The following MAL variants were observed in gnomAD, a reference collection of about 807,000 sequenced individuals.
MAL encodes the protein mal, T cell differentiation protein (MAL blood group), also known as myelin and lymphocyte protein.
MAL carries 5 observed loss-of-function variants against 16.7 expected under a neutral mutation model. That is an observed-to-expected ratio of 0.30 (90% CI 0.16 to 0.63). The LOEUF is 0.63. MAL is among the 30% of genes least tolerant of loss of function. MAL has a pLI of 0.82. For missense variants in MAL, 202 were observed against 195.8 expected, an observed-to-expected ratio of 1.03 and a Z score of -0.19; for synonymous variants, 96 against 85.5, an observed-to-expected ratio of 1.12 and a Z score of -0.67.
chr2:95,034,442 C>A (rs1057290851), intron 1 of MAL, among the ~76,000 whole-genome samples: 1 of 152,232 alleles, frequency 6.6e-6, no homozygotes, highest in African/African-American at 2.4e-5. Flanking sequence ...TTTGTGGATT[C>A]TGAGTGTGAC....
chr2:95,032,707 T>C (rs193180462), intron 1 of MAL, among the ~76,000 whole-genome samples: 1 of 152,198 alleles, frequency 6.6e-6, no homozygotes, highest in Non-Finnish European at 1.5e-5. Context: ...TTTGGAAGGC[T>C]CCAAATTGCC....
intron 1 of MAL, among the ~76,000 whole-genome samples, chr2:95,041,450 T>C (rs968303120): frequency 2.6e-5 from 4 of 152,234 alleles, no homozygotes; most frequent in African/African-American, 9.6e-5. Flanking sequence ...ATTGAGATCA[T>C]ATTCAGACTG....
rs1674674048 is a variant in MAL at position 95,049,676 on chromosome 2, C to T, written c.357C>T (p.Tyr119=). The T allele has an allele frequency of 4.3e-6, 7 of 1,614,172 alleles. No homozygotes were observed. The East Asian group carries it at 8.9e-5, about 21-fold the overall frequency. The change falls in exon 3 of 4, where the codon TAC becomes TAT. Residue 119 remains tyrosine, a synonymous_variant. Coordinates refer to ENST00000309988, the MANE Select transcript of MAL (RefSeq NM_002371.4). ...TCACGATGCAAGACGGCTTCACCTA[C>T]AGGCACTACCATGAAAACATTGCTG... is the stretch of plus-strand genomic sequence containing the variant. The part of the protein sequence containing the change: ...ATITMQDGFT[Y]RHYHENIAAV...
rs140265685 is a variant in MAL, at chr2:95,049,590, T to C, written c.271T>C (p.Tyr91His). 4.3e-4 allele frequency: 691 copies of C among 1,614,066 alleles called. 1 individual carries two copies. Among genetic ancestry groups the C allele is most frequent in the Non-Finnish European group, 5.3e-4 (629 of 1,180,030 alleles). The change falls in exon 3 of 4, where the codon TAC (tyrosine) becomes CAC (histidine). Residue 91 changes from tyrosine (Y) to histidine (H), a missense_variant. Transcript: ENST00000309988. ...CCCGTCTGCCCCATAGGACGCAGCC[T>C]ACCACTGCACCGCTGCCCTCTTTTA... is the stretch of plus-strand genomic sequence containing the variant. ...ETSWVTLDAAYHCTAALFYLS... is the reference protein window; with the variant it reads ...ETSWVTLDAAHHCTAALFYLS...
chr2:95,030,219 G>A (rs149780159), intron 1 of MAL, among the ~76,000 whole-genome samples: 7 of 152,328 alleles, frequency 4.6e-5, no homozygotes, highest in East Asian at 1.9e-4. Flanking sequence ...AGGAAGGCAG[G>A]CCCAACTAGG....
chr2:95,033,959 C>A (rs1328591873), intron 1 of MAL, among the ~76,000 whole-genome samples: 1 of 152,212 alleles, frequency 6.6e-6, no homozygotes, highest in Non-Finnish European at 1.5e-5. Flanking sequence ...GACATAGCAG[C>A]ACCTGCCTCA....
chr2:95,027,210 T>G (rs1022167564), intron 1 of MAL, among the ~76,000 whole-genome samples: 6 of 151,592 alleles, frequency 4.0e-5, no homozygotes, highest in African/African-American at 1.5e-4. Flanking sequence ...CCCCTGAGAG[T>G]AGGAACAGTC....
chr2:95,030,384 G>A (rs1009991715), intron 1 of MAL, among the ~76,000 whole-genome samples: 4 of 152,176 alleles, frequency 2.6e-5, no homozygotes, highest in African/African-American at 9.7e-5. Flanking sequence ...CTTCTCGTCT[G>A]CTCCCCTGCA....
chr2:95,038,908 CTA>C (rs1674347161), intron 1 of MAL, among the ~76,000 whole-genome samples: 1 of 102,996 alleles, frequency 9.7e-6, no homozygotes, highest in African/African-American at 3.8e-5. Context: ...GAGTGAGTGA[CTA>C]AGTGAGTGAC....
Position 95,053,461 on chromosome 2 carries a change from C to A in MAL, c.*6C>A, listed in dbSNP as rs557914281. 1.1e-5 allele frequency: 17 copies of A among 1,609,796 alleles called. No homozygotes were observed. The African/African-American group carries it at 2.1e-4, about 20-fold the overall frequency. On this transcript the variant is annotated 3_prime_UTR_variant, in exon 4 of 4. Transcript: ENST00000309988. ...TCAGATGGAAGTCTTCATAAAGCCG[C>A]AGTAGAACTTGAGCTGAAAACCCAG...
intron 1 of MAL, among the ~76,000 whole-genome samples, chr2:95,040,254 T>TACACATGCAC (rs1674412072): frequency 6.6e-6 from 1 of 151,820 alleles, no homozygotes; most frequent in African/African-American, 2.4e-5. Flanking sequence ...TACACATACA[T>TACACATGCAC]ACACATGCAC....
intron 1 of MAL, among the ~76,000 whole-genome samples, chr2:95,038,580 GTGAGTGAC>G (rs1292115321): frequency 6.6e-6 from 1 of 150,974 alleles, no homozygotes; most frequent in East Asian, 2.0e-4. Flanking sequence ...GAGTGACTGA[GTGAGTGAC>G]TGAGTGACTG....
intron 1 of MAL, among the ~76,000 whole-genome samples, chr2:95,031,261 G>A (rs1674070444): frequency 6.6e-6 from 1 of 152,086 alleles, no homozygotes; most frequent in African/African-American, 2.4e-5. Flanking sequence ...GGCACACTGG[G>A]ATCCTGAGTA....
intron 1 of MAL, among the ~76,000 whole-genome samples, chr2:95,040,539 G>A (rs1383049148): frequency 1.3e-5 from 2 of 152,182 alleles, no homozygotes; most frequent in African/African-American, 4.8e-5. Context: ...CCACACAGTT[G>A]TTTTTCTGGT....
intron 1 of MAL, among the ~76,000 whole-genome samples, chr2:95,035,960 T>C (rs1329685969): frequency 6.6e-6 from 1 of 152,168 alleles, no homozygotes; most frequent in East Asian, 1.9e-4. Context: ...TGAGCCACCG[T>C]GCCCAGCAAC....
At chr2:95,053,144 T>G in intron 3 of MAL, 2 of 455,264 alleles carry the variant, frequency 4.4e-6, no homozygotes, top group South Asian at 5.6e-5. Flanking sequence ...TAGTGGAGAG[T>G]CTTACCTTCC....
At chr2:95,031,293 G>A (rs1431544056) in intron 1 of MAL, among the ~76,000 whole-genome samples, 1 of 152,166 alleles carries the variant, frequency 6.6e-6, no homozygotes, top group Non-Finnish European at 1.5e-5. Flanking sequence ...CCACCTGGCA[G>A]CTCTGGGCAA....
At position 95,039,436 on chromosome 2, in the gene MAL, CTGAG is replaced by C. The variant is rs551292618; in HGVS notation, c.94-8500_94-8497del. ...GGTGAGTGAGTGAGTGACTGAGTGA[CTGAG>C]TGAGTGAGTGAGTGAGTGAGTGGGT... On this transcript the variant is annotated intron_variant, in intron 1 of 3. Coordinates refer to ENST00000309988, the MANE Select transcript of MAL (RefSeq NM_002371.4). 9.4e-3 allele frequency among the ~76,000 whole-genome samples: 869 copies of C among 92,838 alleles called. 6 individuals are homozygous for C. The highest frequency in any genetic ancestry group is 0.039 in the South Asian group (102 of 2,586). 60.9% of individuals were successfully genotyped at this position (92,838 alleles called of 152,430 possible). A position where few individuals can be genotyped will look rare whatever the true frequency, so the allele number is the denominator to read the frequency against.
At chr2:95,032,872 C>G (rs1674118829) in intron 1 of MAL, among the ~76,000 whole-genome samples, 2 of 152,332 alleles carry the variant, frequency 1.3e-5, no homozygotes, top group East Asian at 1.9e-4. Context: ...TCATTCACAG[C>G]TAGTGTTCTA....
Sources: gnomAD v4.1 joint callset for allele counts (sites outside exome capture counted in the v4.1 genomes callset) on GRCh38, gnomAD v4.1.1 for gene constraint, MANE v1.5 for transcripts, NCBI Gene and HGNC (gene_info 2026-07-23, HGNC 2026-07-21) for gene names.